The following ATP6V0D2 variants were observed in gnomAD, a reference collection of about 807,000 sequenced individuals.
The protein encoded by ATP6V0D2 is V-type proton ATPase subunit d 2.
Under a neutral mutation model 40.0 loss-of-function variants are expected in ATP6V0D2, and 40 were observed. The observed-to-expected ratio is 1.00, with a 90% CI of 0.78 to 1.30. The LOEUF is 1.30. Ranked by LOEUF, ATP6V0D2 falls within the 50% of genes most tolerant of loss-of-function variation. The pLI, the probability that ATP6V0D2 is intolerant of heterozygous loss-of-function variation, is 0.00. For synonymous variants in ATP6V0D2, 179 were observed against 156.3 expected, an observed-to-expected ratio of 1.15 and a Z score of -1.08; for missense variants, 470 against 423.1, an observed-to-expected ratio of 1.11 and a Z score of -0.97.
intron 7 of ATP6V0D2, among the ~76,000 whole-genome samples, chr8:86,151,839 G>A (rs1819158538): frequency 6.7e-6 from 1 of 149,788 alleles, no homozygotes; most frequent in Non-Finnish European, 1.5e-5. Flanking sequence ...AATTCCTCAT[G>A]GAATTTGCTG....
intron 2 of ATP6V0D2, among the ~76,000 whole-genome samples, chr8:86,127,860 G>A (rs1004932770): frequency 6.6e-6 from 1 of 152,224 alleles, no homozygotes; most frequent in Admixed American, 6.5e-5. Context: ...TGCAGATGAA[G>A]GATGTGGATC....
chr8:86,145,195 AAAAGAAAG>A (rs796950589), intron 5 of ATP6V0D2, among the ~76,000 whole-genome samples: 34 of 14,590 alleles, frequency 2.3e-3, no homozygotes, highest in South Asian at 4.2e-3. Flanking sequence ...AGAAAGAAAG[AAAAGAAAG>A]AAAGAAAGAA....
At chr8:86,125,497 T>C (rs1299181745) in intron 2 of ATP6V0D2, among the ~76,000 whole-genome samples, 1 of 152,220 alleles carries the variant, frequency 6.6e-6, no homozygotes, top group East Asian at 1.9e-4. Flanking sequence ...TACTAAAATG[T>C]ATTTTGTGCT....
At chr8:86,144,659 T>A (rs1819022426) in intron 5 of ATP6V0D2, among the ~76,000 whole-genome samples, 1 of 152,036 alleles carries the variant, frequency 6.6e-6, no homozygotes, top group East Asian at 1.9e-4. Context: ...TTATTGAGAT[T>A]TTGTTTGTTT....
chr8:86,143,685 C>G (rs569404676), intron 5 of ATP6V0D2, among the ~76,000 whole-genome samples: 1 of 152,278 alleles, frequency 6.6e-6, no homozygotes, highest in South Asian at 2.1e-4. Flanking sequence ...TGTTTATGAC[C>G]TGTATCTTGT....
chr8:86,140,396 G>T (rs556110496), intron 3 of ATP6V0D2, among the ~76,000 whole-genome samples: 23 of 152,262 alleles, frequency 1.5e-4, no homozygotes, highest in Admixed American at 8.5e-4. Flanking sequence ...ATCGAGAGAG[G>T]TTGAGACTGC....
chr8:86,117,866 G>A (rs748401090), intron 2 of ATP6V0D2, among the ~76,000 whole-genome samples: 2 of 152,062 alleles, frequency 1.3e-5, no homozygotes, highest in Non-Finnish European at 2.9e-5. Context: ...TGGAGTGGGT[G>A]TGCCATATAG....
chr8:86,121,672 A>G (rs2130249187), intron 2 of ATP6V0D2, among the ~76,000 whole-genome samples: 1 of 152,198 alleles, frequency 6.6e-6, no homozygotes, highest in East Asian at 1.9e-4. Context: ...AAGAAAAAAG[A>G]ATATACAAAT....
At chr8:86,134,737 G>A (rs971495860) in intron 2 of ATP6V0D2, among the ~76,000 whole-genome samples, 26 of 152,086 alleles carry the variant, frequency 1.7e-4, no homozygotes, top group African/African-American at 6.3e-4. Context: ...CTTAGCAGTT[G>A]TTATTCATAA....
chr8:86,104,606 C>T (rs372239566), intron 1 of ATP6V0D2, among the ~76,000 whole-genome samples: 52 of 152,112 alleles, frequency 3.4e-4, no homozygotes, highest in African/African-American at 6.7e-4. Flanking sequence ...ATAGAGGTTA[C>T]GTGAAGCTAG....
intron 2 of ATP6V0D2, among the ~76,000 whole-genome samples, chr8:86,116,610 C>T: frequency 6.6e-6 from 1 of 152,026 alleles, no homozygotes; most frequent in South Asian, 2.1e-4. Context: ...ATTTTTTCCG[C>T]TTACAAAAAA....
At position 86,120,779 on chromosome 8, in the gene ATP6V0D2, A is replaced by G. The variant is rs149462444; in HGVS notation, c.302+6899A>G. On this transcript the variant is annotated intron_variant, in intron 2 of 7. Coordinates refer to ENST00000285393, the MANE Select transcript of ATP6V0D2 (RefSeq NM_152565.1). ...GTGTCAATGAATTAATGCATTTTCC[A>G]AAGTTACAAAGGTAAGAGACATGGA... is the stretch of plus-strand genomic sequence containing the variant. 8.3e-4 allele frequency among the ~76,000 whole-genome samples: 127 copies of G among 152,334 alleles called. 1 individual carries two copies. Among genetic ancestry groups the G allele is most frequent in the African/African-American group, 3.0e-3 (125 of 41,582 alleles).
intron 1 of ATP6V0D2, 133 bp from the exon 2 acceptor site, chr8:86,113,576 G>C (rs913002919): frequency 1.4e-6 from 1 of 717,858 alleles, no homozygotes; most frequent in Non-Finnish European, 2.2e-6. Context: ...ATCATATTTA[G>C]ACCTTATATT....
At chr8:86,113,583 T>C (rs1818553351) in intron 1 of ATP6V0D2, 126 bp from the exon 2 acceptor site, 6 of 770,224 alleles carry the variant, frequency 7.8e-6, no homozygotes, top group Non-Finnish European at 1.2e-5. Context: ...TTAGACCTTA[T>C]ATTAAAATCT....
intron 5 of ATP6V0D2, among the ~76,000 whole-genome samples, chr8:86,147,480 G>A (rs1819086849): frequency 6.6e-6 from 1 of 152,126 alleles, no homozygotes; most frequent in Admixed American, 6.6e-5. Flanking sequence ...CAAGAAACAG[G>A]AACTAAGTCA....
chr8:86,131,215 G>T (rs965267106), intron 2 of ATP6V0D2, among the ~76,000 whole-genome samples: 1 of 151,898 alleles, frequency 6.6e-6, no homozygotes, highest in African/African-American at 2.4e-5. Context: ...TGTGGGAGGT[G>T]GGGGGAACGA....
chr8:86,104,290 T>C (rs1160171533), intron 1 of ATP6V0D2, among the ~76,000 whole-genome samples: 1 of 152,188 alleles, frequency 6.6e-6, no homozygotes, highest in Admixed American at 6.5e-5. Context: ...TCCTCCCACC[T>C]TGGCCTTCTA....
chr8:86,151,074 C>T (rs1218110802), intron 6 of ATP6V0D2, among the ~76,000 whole-genome samples: 1 of 152,168 alleles, frequency 6.6e-6, no homozygotes, highest in Non-Finnish European at 1.5e-5. Flanking sequence ...CCACCCCTTC[C>T]ACACTGGAAA....
intron 2 of ATP6V0D2, among the ~76,000 whole-genome samples, chr8:86,129,293 C>T (rs939811160): frequency 4.6e-5 from 7 of 152,202 alleles, no homozygotes; most frequent in African/African-American, 1.7e-4. Context: ...AACTGCTTTC[C>T]TATGTGTAAT....
Sources: allele counts gnomAD v4.1 joint callset (sites outside exome capture counted in the v4.1 genomes callset), GRCh38; gene constraint gnomAD v4.1.1; transcripts MANE v1.5; gene names NCBI Gene and HGNC (gene_info 2026-07-23, HGNC 2026-07-21).